Variants in LSP1 observed in about 807,000 individuals in gnomAD.
LSP1 encodes the protein lymphocyte specific protein 1, also known as lymphocyte-specific protein 1.
Under a neutral mutation model 49.3 loss-of-function variants are expected in LSP1, and 32 were observed. The observed-to-expected ratio is 0.65, with a 90% CI of 0.49 to 0.87. The LOEUF is 0.87. Among genes scored for constraint, LSP1 ranks in the 40% least tolerant of loss-of-function variants. The pLI is 0.00. For synonymous variants in LSP1, 179 were observed against 178.8 expected (o/e 1.00, Z -0.01); for missense variants, 428 against 442.6 (o/e 0.97, Z 0.30).
intron 1 of LSP1, chr11:1,869,750 C>T (rs772138389): frequency 2.1e-6 from 1 of 470,038 alleles, no homozygotes. Flanking sequence ...GCGAGCTTGC[C>T]AAGGAGAGGG....
intron 1 of LSP1, among the ~76,000 whole-genome samples, chr11:1,856,796 A>C (rs1220244872): frequency 6.6e-6 from 1 of 152,230 alleles, no homozygotes; most frequent in Non-Finnish European, 1.5e-5. Flanking sequence ...CTCCGAGCCA[A>C]GGCCAGGCAC....
At chr11:1,885,887 C>T (rs72479400) in intron 7 of LSP1, among the ~76,000 whole-genome samples, 19,811 of 151,934 alleles carry the variant, frequency 0.13, 1,384 homozygotes, top group Middle Eastern at 0.24. Context: ...CAATTAATCC[C>T]CCTTCAACCA....
chr11:1,889,462 C>G (rs1848896080), intron 10 of LSP1: 2 of 636,942 alleles, frequency 3.1e-6, no homozygotes, highest in East Asian at 5.6e-5. Flanking sequence ...GCAGGCACCT[C>G]CTGCTCTGTG....
At chr11:1,862,838 C>T (rs540493829) in intron 1 of LSP1, among the ~76,000 whole-genome samples, 3 of 152,148 alleles carry the variant, frequency 2.0e-5, no homozygotes, top group African/African-American at 7.2e-5. Flanking sequence ...TCTGGGTGAC[C>T]TCCCCTCCCC....
chr11:1,882,095 C>T (rs1014315842), intron 3 of LSP1, among the ~76,000 whole-genome samples: 7 of 152,166 alleles, frequency 4.6e-5, no homozygotes, highest in African/African-American at 1.4e-4. Context: ...GAGAGTCGGC[C>T]GGGAGGACGC....
chr11:1,883,571 C>T lies in LSP1; in HGVS notation c.498+11C>T. ...GAGGAACAGGAGGAGGTGATGGCTCCACCTCAGAGGGTCTGGGTGTACCCC... is the reference window on the plus strand; with the variant it reads ...GAGGAACAGGAGGAGGTGATGGCTCTACCTCAGAGGGTCTGGGTGTACCCC... On this transcript the variant is annotated intron_variant, in intron 4 of 10. Transcript: ENST00000311604. 6.2e-7 allele frequency: 1 copy of T among 1,602,940 alleles called. No homozygotes were observed. The highest frequency in any genetic ancestry group is 8.5e-7 in the Non-Finnish European group (1 of 1,174,898).
intron 10 of LSP1, chr11:1,889,466 C>T: frequency 1.6e-6 from 1 of 634,548 alleles, no homozygotes. Flanking sequence ...GCACCTCCTG[C>T]TCTGTGGGGG....
In LSP1 at chr11:1,883,969, T is replaced by C; in HGVS notation, c.536T>C (p.Leu179Ser). 2 of 1,610,232 alleles carry C rather than the reference T, an allele frequency of 1.2e-6. No homozygotes were observed. The highest frequency in any genetic ancestry group is 8.5e-7 in the Non-Finnish European group (1 of 1,178,764). The change falls in exon 5 of 11, where the codon TTG becomes TCG. Residue 179 changes from leucine (L) to serine (S), a missense_variant. Transcript: ENST00000311604. ...KCQQPRTPSP[L>S]VLEGTIEQSS... ...CAGCAGCCCAGGACACCCAGCCCCT[T>C]GGTCTTGGAGGGGACCATCGAACAG...
chr11:1,885,523 C>T (rs1287265670), intron 7 of LSP1, among the ~76,000 whole-genome samples: 3 of 151,268 alleles, frequency 2.0e-5, no homozygotes, highest in Non-Finnish European at 4.4e-5. Flanking sequence ...TGCACCCAAT[C>T]AATGGCCTTC....
intron 1 of LSP1, among the ~76,000 whole-genome samples, chr11:1,865,869 G>A (rs193005248): frequency 6.6e-5 from 10 of 151,992 alleles, no homozygotes; most frequent in East Asian, 3.9e-4. Context: ...TGAGCTTACC[G>A]GCCCTGGCTG....
In LSP1 at chr11:1,854,866, T is replaced by A. The variant is rs547924993; in HGVS notation, c.53+1669T>A. 8.5e-5 allele frequency among the ~76,000 whole-genome samples: 13 copies of A among 152,226 alleles called. No homozygotes were observed. The East Asian group carries it at 2.5e-3, about 29-fold the overall frequency. On this transcript the variant is annotated intron_variant, in intron 1 of 10. Coordinates refer to ENST00000311604, the MANE Select transcript of LSP1 (RefSeq NM_002339.3). ...CCTCTGGGCTGGGGCACCCCCGCCT[T>A]CCTCCTTGGCCTCATCCTTGGCCAC... is the stretch of plus-strand genomic sequence containing the variant.
chr11:1,857,000 C>T (rs1265516030), intron 1 of LSP1, among the ~76,000 whole-genome samples: 1 of 152,232 alleles, frequency 6.6e-6, no homozygotes, highest in Non-Finnish European at 1.5e-5. Context: ...CCTCCCTACA[C>T]CTTCCTGTGG....
intron 1 of LSP1, chr11:1,870,541 G>A (rs1271058582): frequency 1.7e-6 from 2 of 1,168,950 alleles, no homozygotes. Flanking sequence ...GTGTCAGGAA[G>A]AGGGCCTGGC....
Position 1,886,866 on chromosome 11 carries a change from G to A in LSP1, c.852G>A (p.Lys284=), listed in dbSNP as rs766075518. The A allele has an allele frequency of 5.0e-6, 8 of 1,610,570 alleles. No homozygotes were observed. In the East Asian group the frequency reaches 6.7e-5, roughly 13 times the overall value. The change falls in exon 8 of 11, where the codon AAG becomes AAA. Residue 284 remains lysine (K), a splice_region_variant and synonymous_variant. Coordinates refer to ENST00000311604, the MANE Select transcript of LSP1 (RefSeq NM_002339.3). ...CTGCGGCCAAGACTCCGTCCTGCAA[G>A]GTAAGGTCCCCTCCAGGGGCAAGGC... The part of the protein sequence containing the change: ...AQSAAKTPSC[K]DIVAGDMSKK...
At chr11:1,867,009 C>A in intron 1 of LSP1, 1 of 1,254,154 alleles carries the variant, frequency 8.0e-7, no homozygotes, top group Non-Finnish European at 1.1e-6. Flanking sequence ...GCCGCGTGGG[C>A]CCAGGCTCAG....
chr11:1,885,576 C>G lies in LSP1; in HGVS notation c.717+995C>G, dbSNP rs188470416. Among the ~76,000 whole-genome samples, 296 of 152,072 alleles carry G rather than the reference C, an allele frequency of 1.9e-3. 3 individuals carry two copies. The highest frequency in any genetic ancestry group is 0.013 in the South Asian group (63 of 4,808). ...TCCATCCAACCAAAATAGTTTCACC[C>G]AATCAATGCCTCTGCTTCCAATCAA... On this transcript the variant is annotated intron_variant, in intron 7 of 10. Transcript: ENST00000311604.
At chr11:1,877,946 G>C (rs568773766) in intron 1 of LSP1, among the ~76,000 whole-genome samples, 1 of 152,262 alleles carries the variant, frequency 6.6e-6, no homozygotes, top group South Asian at 2.1e-4. Flanking sequence ...GAGGAAACGT[G>C]TGCACACGAG....
rs1222058980 is a variant in LSP1, at chr11:1,887,494, G to A, written c.951G>A (p.Arg317=). The change falls in exon 10 of 11, where the codon AGG becomes AGA. Residue 317 remains arginine, a synonymous_variant. Transcript: ENST00000311604. ...AACAGAGCACCCCATCTGGGAAGAG[G>A]TATAAGTTTGTGGCCACCGGGCATG... ...STIKSTPSGK[R]YKFVATGHGK... is the part of the protein sequence containing the mutation. The A allele has an allele frequency of 6.2e-6, 10 of 1,613,722 alleles. No individual in the cohort carries two copies. The highest frequency in any genetic ancestry group is 1.6e-4 in the Middle Eastern group (1 of 6,082).
intron 1 of LSP1, among the ~76,000 whole-genome samples, chr11:1,874,054 A>G (rs370233727): frequency 7.5e-4 from 53 of 70,404 alleles, no homozygotes; most frequent in Admixed American, 1.1e-3. Context: ...GGAGGCTGGC[A>G]GAGCAGGGAG....
Sources: allele counts gnomAD v4.1 joint callset (sites outside exome capture counted in the v4.1 genomes callset), GRCh38; gene constraint gnomAD v4.1.1; transcripts MANE v1.5; gene names NCBI Gene and HGNC (gene_info 2026-07-23, HGNC 2026-07-21).